The following MMUT variants were observed in gnomAD, a reference collection of about 807,000 sequenced individuals.
The protein encoded by MMUT is methylmalonyl-CoA mutase.
MMUT carries 79 observed loss-of-function variants against 79.9 expected under a neutral mutation model. That is an observed-to-expected ratio of 0.99 (90% CI 0.82 to 1.19). The LOEUF (loss-of-function observed/expected upper bound fraction) is 1.19. Among genes scored for constraint, MMUT ranks in the 50% most tolerant of loss-of-function variants. The pLI is 0.00. For synonymous variants in MMUT, 273 were observed against 295.7 expected (o/e 0.92, Z 0.79); for missense variants, 860 against 917.2 (o/e 0.94, Z 0.81).
chr6:49,448,747 T>G, intron 7 of MMUT, 69 bp downstream of exon 7: 1 of 1,316,060 alleles, frequency 7.6e-7, no homozygotes, highest in Non-Finnish European at 1.1e-6. Context: ...CTATACATGT[T>G]ATCTTCAAAC....
Position 49,438,434 on chromosome 6 carries a change from T to C in MMUT, c.1956+1772A>G, listed in dbSNP as rs1190590180. ...TTCAAAACACTTTTCACCAATCCCA[T>C]GTGGGCTATCTTTCCCACAAAATAT... On this transcript the variant is annotated intron_variant, in intron 11 of 12. Transcript: ENST00000274813. Among the ~76,000 whole-genome samples the C allele has an allele frequency of 4.6e-5, 7 of 152,310 alleles. No individual in the cohort carries two copies. The East Asian group carries it at 1.2e-3, about 25-fold the overall frequency.
At chr6:49,450,052 G>C (rs944619926) in intron 6 of MMUT, among the ~76,000 whole-genome samples, 1 of 151,790 alleles carries the variant, frequency 6.6e-6, no homozygotes, top group Non-Finnish European at 1.5e-5. Flanking sequence ...CCAACACGGT[G>C]AACCCCCGTC....
rs1226693086 is a variant in MMUT, at chr6:49,445,879, C to T, written c.1561-1125G>A. On this transcript the variant is annotated intron_variant, in intron 8 of 12. Coordinates refer to ENST00000274813, the MANE Select transcript of MMUT (RefSeq NM_000255.4). Reference sequence around the variant, plus strand: ...CATAAAAATGCCCATTTTTCTTTATCTTTTATTGGAGAAAGAAACAATAAA... The same window carrying T: ...CATAAAAATGCCCATTTTTCTTTATTTTTTATTGGAGAAAGAAACAATAAA... Among the ~76,000 whole-genome samples, 6 of 151,872 alleles carry T rather than the reference C, an allele frequency of 4.0e-5. 1 individual carries two copies. In the East Asian group the frequency reaches 1.2e-3, roughly 29 times the overall value.
chr6:49,441,619 T>C (rs957525157), intron 10 of MMUT, among the ~76,000 whole-genome samples: 28 of 149,088 alleles, frequency 1.9e-4, no homozygotes, highest in Non-Finnish European at 7.4e-5. Context: ...ATATGTATCA[T>C]GTATGATATA....
chr6:49,457,701 T>G lies in MMUT; in HGVS notation c.743A>C (p.Tyr248Ser). Residue 248 changes from tyrosine (Y) to serine (S), a missense_variant, in exon 3 of 13, where the codon TAT (tyrosine) becomes TCT (serine). Coordinates refer to ENST00000274813, the MANE Select transcript of MMUT (RefSeq NM_000255.4). ...AACCACAAAGTATACCTTTGCTGTA[T>G]ATTCAAATATGTCAGCAATAATTTT... ...SMKIIADIFE[Y>S]TAKHMPKFNS... 6.2e-7 allele frequency: 1 copy of G among 1,610,320 alleles called. No homozygotes were observed. The highest frequency in any genetic ancestry group is 8.5e-7 in the Non-Finnish European group (1 of 1,178,330).
intron 6 of MMUT, among the ~76,000 whole-genome samples, chr6:49,450,027 T>C (rs1338611459): frequency 6.6e-6 from 1 of 151,830 alleles, no homozygotes. Flanking sequence ...GGTCAGGAGT[T>C]TGAGACCAGC....
intron 12 of MMUT, among the ~76,000 whole-genome samples, chr6:49,432,466 C>A (rs1767004439): frequency 1.3e-5 from 2 of 152,108 alleles, no homozygotes; most frequent in Non-Finnish European, 2.9e-5. Flanking sequence ...CGGCTCACTG[C>A]AAGCTCCGCC....
intron 1 of MMUT, among the ~76,000 whole-genome samples, chr6:49,461,367 A>G (rs1767836694): frequency 6.6e-6 from 1 of 152,256 alleles, no homozygotes; most frequent in African/African-American, 2.4e-5. Flanking sequence ...TTCCCAAAAA[A>G]AGAGAAACAA....
intron 5 of MMUT, among the ~76,000 whole-genome samples, chr6:49,452,284 C>A (rs1208256243): frequency 6.6e-6 from 1 of 151,992 alleles, no homozygotes; most frequent in Admixed American, 6.6e-5. Flanking sequence ...TTCCTTCCAA[C>A]CCTAAAAATC....
chr6:49,459,341 T>C lies in MMUT; in HGVS notation c.126A>G (p.Glu42=), dbSNP rs2127420511. The part of the protein sequence containing the change: ...LLHQQQPLHP[E]WAALAKKQLK... ...GCTGCTTTTTAGCCAGGGCAGCCCA[T>C]TCTGGGTGAAGGGGCTGTTGCTGGT... Residue 42 remains glutamate, a synonymous_variant, in exon 2 of 13, where the codon GAA becomes GAG. Transcript: ENST00000274813. 6.2e-7 allele frequency: 1 copy of C among 1,614,096 alleles called. No individual in the cohort carries two copies.
intron 10 of MMUT, 78 bp from the exon 11 acceptor site, chr6:49,440,431 A>G (rs1767245234): frequency 2.8e-6 from 4 of 1,424,574 alleles, no homozygotes; most frequent in Non-Finnish European, 1.9e-6. Context: ...ATTTATTCAC[A>G]GCAAATCTTT....
chr6:49,448,829 A>G lies in MMUT; in HGVS notation c.1431T>C (p.Ala477=). The G allele has an allele frequency of 6.2e-7, 1 of 1,612,550 alleles. No homozygotes were observed. Among genetic ancestry groups the G allele is most frequent in the Non-Finnish European group, 8.5e-7 (1 of 1,178,704 alleles). Residue 477 remains alanine, a synonymous_variant, in exon 7 of 13, where the codon GCT becomes GCC. Transcript: ENST00000274813. The part of the protein sequence containing the change: ...RIEECAARRQ[A]RIDSGSEVIV... ...TCACTATCTTACCAGAATCTATTCT[A>G]GCTTGTCTTCGGGCAGCACATTCTT...
chr6:49,440,390 C>A, intron 10 of MMUT, 37 bp from the exon 11 acceptor site: 1 of 1,600,074 alleles, frequency 6.2e-7, no homozygotes, highest in Non-Finnish European at 8.6e-7. Context: ...TAGTTAGATA[C>A]TAATTTTCCA....
Position 49,430,828 on chromosome 6 carries a change from C to G in MMUT, c.*900G>C, listed in dbSNP as rs1766954898. On this transcript the variant is annotated 3_prime_UTR_variant, in exon 13 of 13. Coordinates refer to ENST00000274813, the MANE Select transcript of MMUT (RefSeq NM_000255.4). Reference sequence around the variant, plus strand: ...TGTTAAACAGGTAAATGGCAACTTTCCTTCTTTAGTGAGCAAATCTTTCAG... The same window carrying G: ...TGTTAAACAGGTAAATGGCAACTTTGCTTCTTTAGTGAGCAAATCTTTCAG... 1 of 152,108 alleles carries G rather than the reference C, an allele frequency of 6.6e-6. No homozygotes were observed. The highest frequency in any genetic ancestry group is 2.4e-5 in the African/African-American group (1 of 41,426). The allele number at this position is 152,108 out of a possible 1,614,324, so 9.4% of individuals were successfully genotyped here. A position where few individuals can be genotyped will look rare whatever the true frequency, so the allele number is the denominator to read the frequency against.
rs1457754741 is a variant in MMUT at position 49,448,802 on chromosome 6, T to C, written c.1444+14A>G. 1 of 1,578,780 alleles carries C rather than the reference T, an allele frequency of 6.3e-7. No homozygotes were observed. The highest frequency in any genetic ancestry group is 1.1e-5 in the South Asian group (1 of 90,366). On this transcript the variant is annotated intron_variant, in intron 7 of 12. Transcript: ENST00000274813. ...ACTACTGGATTTCATATATGAACTT[T>C]CTCACTATCTTACCAGAATCTATTC...
At chr6:49,457,661 A>G (rs1767722638) in intron 3 of MMUT, 30 bp downstream of exon 3, 1 of 1,582,918 alleles carries the variant, frequency 6.3e-7, no homozygotes, top group African/African-American at 1.4e-5. Flanking sequence ...AAGGAACTAT[A>G]GAAAAACCTA....
At chr6:49,431,878 T>A in intron 12 of MMUT, 22 bp from the exon 13 acceptor site, 2 of 1,610,194 alleles carry the variant, frequency 1.2e-6, no homozygotes, top group Non-Finnish European at 1.7e-6. Context: ...ATGTGTTTAA[T>A]TAATAAGAGC....
Position 49,431,547 on chromosome 6 carries a change from T to G in MMUT, c.*181A>C. ...AGGGATTTTTTTTTTATTTTTGAAG[T>G]GAAACTGTATGTACATACTTATAGC... On this transcript the variant is annotated 3_prime_UTR_variant, in exon 13 of 13. Transcript: ENST00000274813. 1.8e-6 allele frequency: 1 copy of G among 545,708 alleles called. No homozygotes were observed. Among genetic ancestry groups the G allele is most frequent in the Non-Finnish European group, 3.2e-6 (1 of 309,478 alleles). The allele number at this position is 545,708 out of a possible 1,614,324, so 33.8% of individuals were successfully genotyped here.
chr6:49,461,034 G>A (rs939490666), intron 1 of MMUT, among the ~76,000 whole-genome samples: 4 of 152,146 alleles, frequency 2.6e-5, no homozygotes, highest in Non-Finnish European at 5.9e-5. Context: ...AGAAAACTTA[G>A]GAAAATCGTA....
Sources: gnomAD v4.1 joint callset for allele counts (sites outside exome capture counted in the v4.1 genomes callset) on GRCh38, gnomAD v4.1.1 for gene constraint, MANE v1.5 for transcripts, NCBI Gene and HGNC (gene_info 2026-07-23, HGNC 2026-07-21) for gene names.